Variants in SGCZ observed in about 807,000 individuals in gnomAD.
SGCZ encodes sarcoglycan zeta, also known as zeta-sarcoglycan.
A neutral mutation model predicts 41.3 loss-of-function variants in SGCZ; 40 were observed. That is an observed-to-expected ratio of 0.97 (90% CI 0.75 to 1.26). SGCZ has a LOEUF of 1.26. SGCZ is among the 50% of genes most tolerant of loss of function. The pLI is 0.00. For missense variants in SGCZ, 552 were observed against 369.8 expected (o/e 1.49, Z -4.04); for synonymous variants, 206 against 137.5 (o/e 1.50, Z -3.49).
intron 4 of SGCZ, among the ~76,000 whole-genome samples, chr8:14,220,080 C>A (rs1183899978): frequency 1.3e-5 from 2 of 152,138 alleles, no homozygotes; most frequent in Non-Finnish European, 2.9e-5. Context: ...ATTACTATTG[C>A]ATCAACCTAA....
intron 1 of SGCZ, among the ~76,000 whole-genome samples, chr8:15,108,603 A>C (rs551112261): frequency 1.3e-5 from 2 of 152,324 alleles, no homozygotes; most frequent in South Asian, 4.1e-4. Flanking sequence ...TTTAGAAAGT[A>C]CATAGGATTG....
chr8:14,760,078 T>C (rs767556674), intron 1 of SGCZ, among the ~76,000 whole-genome samples: 1 of 152,196 alleles, frequency 6.6e-6, no homozygotes, highest in Non-Finnish European at 1.5e-5. Flanking sequence ...ACCCGCCCCA[T>C]GATGAGCACT....
intron 1 of SGCZ, among the ~76,000 whole-genome samples, chr8:15,049,144 A>G (rs963265733): frequency 3.9e-5 from 6 of 152,194 alleles, no homozygotes; most frequent in Admixed American, 3.9e-4. Flanking sequence ...GATCTTAAAA[A>G]GAAATAAAAT....
intron 1 of SGCZ, among the ~76,000 whole-genome samples, chr8:14,786,828 GA>G (rs1800781035): frequency 7.4e-6 from 1 of 134,790 alleles, no homozygotes; most frequent in Non-Finnish European, 1.5e-5. Context: ...GGAAGAGTTG[GA>G]AAGCAGGTTT....
intron 2 of SGCZ, among the ~76,000 whole-genome samples, chr8:14,438,575 T>C (rs1158647907): frequency 1.3e-5 from 2 of 151,992 alleles, no homozygotes; most frequent in Non-Finnish European, 2.9e-5. Context: ...ATAAAAAGTG[T>C]TCCTAGAGGG....
chr8:14,781,880 T>C (rs575744981), intron 1 of SGCZ, among the ~76,000 whole-genome samples: 9 of 152,306 alleles, frequency 5.9e-5, no homozygotes, highest in Middle Eastern at 3.4e-3. Context: ...ATGTAATTTA[T>C]TGAATGCTCT....
rs1007106836 is a variant in SGCZ at position 14,790,475 on chromosome 8, T to A, written c.40-235549A>T. The stretch of plus-strand genomic sequence containing the variant: ...TCAAACGCATAAAAAATGTTTATAA[T>A]CTAACCCAATATTCTATTTTTAGGT... On this transcript the variant is annotated intron_variant, in intron 1 of 7. Coordinates refer to ENST00000382080, the MANE Select transcript of SGCZ (RefSeq NM_139167.4). Among the ~76,000 whole-genome samples, 8 of 152,184 alleles carry A rather than the reference T, an allele frequency of 5.3e-5. No individual in the cohort carries two copies. The South Asian group carries it at 1.0e-3, about 20-fold the overall frequency.
At chr8:14,129,511 G>C (rs1332281366) in intron 5 of SGCZ, among the ~76,000 whole-genome samples, 2 of 151,472 alleles carry the variant, frequency 1.3e-5, no homozygotes, top group Non-Finnish European at 2.9e-5. Context: ...CATTTAAAAA[G>C]AGACAAATGA....
At position 14,086,504 on chromosome 8, in the gene SGCZ, C is replaced by T. The variant is rs189307752; in HGVS notation, c.*3939G>A. ...AATAAAACAGTTCAGCAATTAACCTCTGTGATCACATTATCATTTCTTCAA... is the reference window on the plus strand; with the variant it reads ...AATAAAACAGTTCAGCAATTAACCTTTGTGATCACATTATCATTTCTTCAA... On this transcript the variant is annotated 3_prime_UTR_variant, in exon 8 of 8. Transcript: ENST00000382080. Among the ~76,000 whole-genome samples, 1 of 151,828 alleles carries T rather than the reference C, an allele frequency of 6.6e-6. No homozygotes were observed. The highest frequency in any genetic ancestry group is 2.4e-5 in the African/African-American group (1 of 41,522).
At chr8:15,012,007 T>A (rs186721041) in intron 1 of SGCZ, among the ~76,000 whole-genome samples, 2 of 152,292 alleles carry the variant, frequency 1.3e-5, no homozygotes, top group East Asian at 3.9e-4. Flanking sequence ...CACATTTGCA[T>A]CTATTTTTGA....
At chr8:14,655,653 T>C (rs73200885) in intron 1 of SGCZ, among the ~76,000 whole-genome samples, 23,641 of 152,058 alleles carry the variant, frequency 0.16, 2,336 homozygotes, top group Admixed American at 0.23. Context: ...TGGGAGTATC[T>C]TGTAAAACTA....
intron 1 of SGCZ, among the ~76,000 whole-genome samples, chr8:15,198,450 G>C (rs1431116128): frequency 6.6e-6 from 1 of 152,048 alleles, no homozygotes; most frequent in Non-Finnish European, 1.5e-5. Flanking sequence ...ATTCTAATAA[G>C]AAGCTATTGA....
chr8:14,266,087 A>C (rs141841620), intron 3 of SGCZ, among the ~76,000 whole-genome samples: 1 of 152,200 alleles, frequency 6.6e-6, no homozygotes, highest in African/African-American at 2.4e-5. Flanking sequence ...AACTCCCCAA[A>C]CCTAAGGAAA....
chr8:14,558,158 A>T (rs2117199444), intron 1 of SGCZ, among the ~76,000 whole-genome samples: 1 of 152,250 alleles, frequency 6.6e-6, no homozygotes, highest in Middle Eastern at 3.4e-3. Flanking sequence ...AAGCAGTGAG[A>T]TTGAAACTGT....
At chr8:15,206,452 C>CTTT (rs3069943) in intron 1 of SGCZ, among the ~76,000 whole-genome samples, 7,774 of 144,356 alleles carry the variant, frequency 0.054, 261 homozygotes, top group South Asian at 0.072. Flanking sequence ...TCTGGGGAGT[C>CTTT]TTTTTTTTTT....
chr8:14,746,789 C>G (rs940661018), intron 1 of SGCZ, among the ~76,000 whole-genome samples: 1 of 152,088 alleles, frequency 6.6e-6, no homozygotes, highest in Non-Finnish European at 1.5e-5. Flanking sequence ...GTATACCAAA[C>G]AGTATTTTTG....
chr8:14,741,384 C>T (rs1799193790), intron 1 of SGCZ, among the ~76,000 whole-genome samples: 1 of 152,022 alleles, frequency 6.6e-6, no homozygotes, highest in Non-Finnish European at 1.5e-5. Flanking sequence ...GTATTTAAAG[C>T]CTCTTACACA....
At chr8:14,455,075 C>A (rs73519317) in intron 2 of SGCZ, among the ~76,000 whole-genome samples, 6 of 151,926 alleles carry the variant, frequency 3.9e-5, no homozygotes, top group Non-Finnish European at 5.9e-5. Flanking sequence ...ACCACAAGAG[C>A]AGTCAGAAAT....
intron 1 of SGCZ, among the ~76,000 whole-genome samples, chr8:14,661,894 C>A (rs559822805): frequency 4.0e-5 from 6 of 151,390 alleles, no homozygotes; most frequent in South Asian, 2.1e-4. Flanking sequence ...TCCCCAGAGA[C>A]AATGGGGTAT....
Sources: allele counts gnomAD v4.1 joint callset (sites outside exome capture counted in the v4.1 genomes callset), GRCh38; gene constraint gnomAD v4.1.1; transcripts MANE v1.5; gene names NCBI Gene and HGNC (gene_info 2026-07-23, HGNC 2026-07-21).